The following COL6A6 variants were observed in gnomAD, a reference collection of about 807,000 sequenced individuals.
COL6A6 encodes collagen alpha-6(VI) chain.
In COL6A6, 183 loss-of-function variants were observed where a neutral mutation model predicts 208.6. The ratio of observed to expected loss-of-function variants is 0.88; its 90% CI spans 0.78 to 0.99. The LOEUF is 0.99. COL6A6 is among the 50% of genes least tolerant of loss of function. The pLI, the probability that COL6A6 is intolerant of heterozygous loss-of-function variation, is 0.00. For synonymous variants in COL6A6, 973 were observed against 1,011.8 expected (o/e 0.96, Z 0.73); for missense variants, 2,816 against 2,815.2 (o/e 1.00, Z -0.01).
At chr3:130,670,439 T>A (rs925719084) in intron 36 of COL6A6, among the ~76,000 whole-genome samples, 12 of 152,094 alleles carry the variant, frequency 7.9e-5, no homozygotes, top group Non-Finnish European at 1.8e-4. Context: ...TGAATTTGAG[T>A]TTTATAGTGA....
At chr3:130,517,868 C>T (rs1197856416) in intron 1 of COL6A6, among the ~76,000 whole-genome samples, 3 of 152,238 alleles carry the variant, frequency 2.0e-5, no homozygotes, top group African/African-American at 7.2e-5. Context: ...TTTGTTCTTG[C>T]ACTTCACACA....
chr3:130,646,220 T>C (rs2108386406), intron 32 of COL6A6, among the ~76,000 whole-genome samples: 1 of 152,082 alleles, frequency 6.6e-6, no homozygotes, highest in African/African-American at 2.4e-5. Flanking sequence ...GGGGAGATGT[T>C]TTTGGACAGA....
At chr3:130,530,731 T>G (rs1187665413) in intron 1 of COL6A6, among the ~76,000 whole-genome samples, 1 of 152,132 alleles carries the variant, frequency 6.6e-6, no homozygotes, top group Non-Finnish European at 1.5e-5. Flanking sequence ...GTGAAGGTGT[T>G]TTTTAGATAT....
intron 27 of COL6A6, 130 bp from the exon 28 acceptor site, chr3:130,635,569 T>C: frequency 1.6e-6 from 1 of 635,568 alleles, no homozygotes; most frequent in East Asian, 2.8e-5. Context: ...ACACTCACAC[T>C]CTTCAAAGAT....
rs202193097 is a variant in COL6A6, at chr3:130,634,242, TAAAA to T, written c.4993-327_4993-324del. On this transcript the variant is annotated intron_variant, in intron 26 of 36. Coordinates refer to ENST00000358511, the MANE Select transcript of COL6A6 (RefSeq NM_001102608.3). ...ATAAATAAATAAATAAATAAATAAA[TAAAA>T]AAAAAAAAAAAAAAAAAAAAGATCG... is the stretch of plus-strand genomic sequence containing the variant. Among the ~76,000 whole-genome samples, 109 of 23,776 alleles carry T rather than the reference TAAAA, an allele frequency of 4.6e-3. 1 individual carries two copies. The highest frequency in any genetic ancestry group is 0.017 in the African/African-American group (29 of 1,720). The allele number at this position is 23,776 out of a possible 152,430, so 15.6% of individuals were successfully genotyped here. A position where few individuals can be genotyped will look rare whatever the true frequency, so the allele number is the denominator to read the frequency against.
chr3:130,556,734 T>C (rs953457707), intron 1 of COL6A6, among the ~76,000 whole-genome samples: 1 of 152,192 alleles, frequency 6.6e-6, no homozygotes, highest in South Asian at 2.1e-4. Context: ...GTGGATTCTT[T>C]GCACTATTAA....
At chr3:130,644,846 G>A in intron 31 of COL6A6, 145 bp from the exon 32 acceptor site, 2 of 737,158 alleles carry the variant, frequency 2.7e-6, no homozygotes, top group South Asian at 3.2e-5. Context: ...GTTAGACTCT[G>A]TCTGCATTTT....
intron 28 of COL6A6, among the ~76,000 whole-genome samples, chr3:130,636,018 AT>A (rs778313452): frequency 1.3e-5 from 2 of 152,222 alleles, no homozygotes; most frequent in Non-Finnish European, 2.9e-5. Context: ...TGGTAATAAG[AT>A]TTTTTAAAAG....
intron 36 of COL6A6, among the ~76,000 whole-genome samples, chr3:130,665,796 A>G (rs1313005280): frequency 6.6e-6 from 1 of 152,238 alleles, no homozygotes; most frequent in African/African-American, 2.4e-5. Context: ...ACATATTACA[A>G]TAACTGATGA....
In COL6A6 at chr3:130,565,002, G is replaced by T. The variant is rs1237619713; in HGVS notation, c.670G>T (p.Gly224Cys). 17 of 1,612,476 alleles carry T rather than the reference G, an allele frequency of 1.1e-5. No individual in the cohort carries two copies. The highest frequency in any genetic ancestry group is 1.4e-5 in the Non-Finnish European group (17 of 1,178,968). ...TATTTCTTGCCACACAGCTTGCCAA[G>T]GCCCTTCTATGGCCGATGTTGTGTT... ...VDDIFVEACQ[G>C]PSMADVVFLL... is the part of the protein sequence containing the mutation. The change falls in exon 4 of 37, where the codon GGC becomes TGC. Residue 224 changes from glycine (G) to cysteine (C), a missense_variant. By Grantham distance (159) the Gly-to-Cys change is radical. Coordinates refer to ENST00000358511, the MANE Select transcript of COL6A6 (RefSeq NM_001102608.3).
In COL6A6 at chr3:130,665,027, T is replaced by C. The variant is rs1333150722; in HGVS notation, c.6527T>C (p.Ile2176Thr). 6 of 1,606,914 alleles carry C rather than the reference T, an allele frequency of 3.7e-6. No individual in the cohort carries two copies. Among genetic ancestry groups the C allele is most frequent in the Non-Finnish European group, 5.1e-6 (6 of 1,176,310 alleles). ...IRRAINKYPP[I>T]NLKIKCNRLN... ...GGTGCAATCAACAAATATCCACCAA[T>C]AAACTTAAAAATAAAGTGCAACAGA... Residue 2176 changes from isoleucine (I) to threonine (T), a missense_variant, in exon 36 of 37, where the codon ATA becomes ACA. Coordinates refer to ENST00000358511, the MANE Select transcript of COL6A6 (RefSeq NM_001102608.3).
At chr3:130,582,385 ACTT>A (rs879783563) in intron 10 of COL6A6, among the ~76,000 whole-genome samples, 3 of 152,078 alleles carry the variant, frequency 2.0e-5, no homozygotes, top group African/African-American at 4.8e-5. Context: ...TAATATTGCT[ACTT>A]CTTTAGTGTC....
rs2064334247 is a variant in COL6A6 at position 130,610,771 on chromosome 3, G to T, written c.4815+60G>T. On this transcript the variant is annotated intron_variant, in intron 23 of 36. Transcript: ENST00000358511. ...GATCTTGGCTTGATATGTCTTTGTG[G>T]TTTCTTCCATACAGGTGGAGTTATT... 3 of 1,266,182 alleles carry T rather than the reference G, an allele frequency of 2.4e-6. No homozygotes were observed. The East Asian group carries it at 7.5e-5, about 32-fold the overall frequency. 78.4% of individuals were successfully genotyped at this position (1,266,182 alleles called of 1,614,324 possible).
chr3:130,517,600 C>G (rs112112915), intron 1 of COL6A6, among the ~76,000 whole-genome samples: 4,853 of 152,346 alleles, frequency 0.032, 112 homozygotes, highest in South Asian at 0.097. Context: ...GCCCTCACCT[C>G]GTCTTTCTTT....
chr3:130,652,347 A>T (rs1013393930), intron 33 of COL6A6, among the ~76,000 whole-genome samples: 8 of 152,242 alleles, frequency 5.3e-5, no homozygotes, highest in Admixed American at 5.2e-4. Context: ...TCTCATTCAG[A>T]TATCAGCAAG....
intron 33 of COL6A6, 32 bp from the exon 34 acceptor site, chr3:130,658,640 CCACT>C (rs1206087748): frequency 7.1e-7 from 1 of 1,405,110 alleles, no homozygotes; most frequent in Non-Finnish European, 1.0e-6. Flanking sequence ...GCAGCCCTAC[CCACT>C]AAGTTCTTTC....
Position 130,662,229 on chromosome 3 carries a change from G to C in COL6A6, c.6423G>C (p.Leu2141=). 1 of 1,613,840 alleles carries C rather than the reference G, an allele frequency of 6.2e-7. No individual in the cohort carries two copies. The highest frequency in any genetic ancestry group is 2.2e-5 in the East Asian group (1 of 44,890). Residue 2141 remains leucine, a synonymous_variant, in exon 35 of 37, where the codon CTG becomes CTC. Coordinates refer to ENST00000358511, the MANE Select transcript of COL6A6 (RefSeq NM_001102608.3). ...CCAGCCACCCTTTGGATCACCACCT[G>C]GTCCAGCTTGGCCGAATTCATAAAC... ...DLASHPLDHH[L]VQLGRIHKPD... is the part of the protein sequence containing the mutation.
rs777170032 is a variant in COL6A6 at position 130,574,462 on chromosome 3, G to A, written c.3484G>A (p.Asp1162Asn). 28 of 1,613,908 alleles carry A rather than the reference G, an allele frequency of 1.7e-5. 2 individuals carry two copies. The highest frequency in any genetic ancestry group is 8.9e-5 in the East Asian group (4 of 44,898). Residue 1162 changes from aspartate to asparagine, a missense_variant, in exon 8 of 37, where the codon GAT becomes AAT. By Grantham distance (23) the Asp-to-Asn change is conservative (BLOSUM62 1). Transcript: ENST00000358511. ...GAAAAAACTGACAGTGCACAACTTC[G>A]ATGAACTGAAGAAGGTCAATAAAAG... ...AEKKLTVHNF[D>N]ELKKVNKRIV...
chr3:130,549,341 A>G (rs527809974), intron 1 of COL6A6, among the ~76,000 whole-genome samples: 1 of 152,270 alleles, frequency 6.6e-6, no homozygotes, highest in South Asian at 2.1e-4. Flanking sequence ...AATTTCTTAT[A>G]GAGATAGGCT....
Sources: allele counts gnomAD v4.1 joint callset (sites outside exome capture counted in the v4.1 genomes callset), GRCh38; gene constraint gnomAD v4.1.1; transcripts MANE v1.5; gene names NCBI Gene and HGNC (gene_info 2026-07-23, HGNC 2026-07-21).